Variants in PLSCR4 observed in about 807,000 individuals in gnomAD.
PLSCR4 encodes the protein Ca(2+)-dependent phospholipid scramblase 4.
Under a neutral mutation model 36.3 loss-of-function variants are expected in PLSCR4, and 25 were observed. The ratio of observed to expected loss-of-function variants is 0.69; its 90% CI spans 0.50 to 0.96. The LOEUF (loss-of-function observed/expected upper bound fraction) is 0.96. Ranked by LOEUF, PLSCR4 falls within the 40% of genes least tolerant of loss-of-function variation. PLSCR4 has a pLI of 0.00. For missense variants in PLSCR4, 408 were observed against 414.7 expected (o/e 0.98, Z 0.14); for synonymous variants, 122 against 132.9 (o/e 0.92, Z 0.56).
chr3:146,194,898 T>C (rs1418527038), intron 8 of PLSCR4, among the ~76,000 whole-genome samples: 2 of 152,184 alleles, frequency 1.3e-5, no homozygotes, highest in Admixed American at 6.5e-5. Flanking sequence ...CATTTTACCA[T>C]GATAGCTAAC....
chr3:146,244,276 A>G (rs2036262395), intron 1 of PLSCR4, among the ~76,000 whole-genome samples: 1 of 152,134 alleles, frequency 6.6e-6, no homozygotes, highest in Non-Finnish European at 1.5e-5. Context: ...TATGTTTAAA[A>G]CATAATGGAA....
chr3:146,198,478 G>A (rs1384524354), intron 6 of PLSCR4, among the ~76,000 whole-genome samples: 1 of 152,048 alleles, frequency 6.6e-6, no homozygotes, highest in African/African-American at 2.4e-5. Context: ...ACAGGTCACT[G>A]CAGCCTCGAT....
intron 6 of PLSCR4, among the ~76,000 whole-genome samples, chr3:146,197,395 G>T (rs953574786): frequency 6.6e-6 from 1 of 152,088 alleles, no homozygotes; most frequent in Non-Finnish European, 1.5e-5. Context: ...CTGTAAAACG[G>T]TCCTCTGTCT....
rs983391419 is a variant in PLSCR4, at chr3:146,229,566, G to T, written c.-21-7474C>A. 3.2e-5 allele frequency among the ~76,000 whole-genome samples: 4 copies of T among 124,782 alleles called. No individual in the cohort carries two copies. In the East Asian group the frequency reaches 9.1e-4, roughly 28 times the overall value. 81.9% of individuals were successfully genotyped at this position (124,782 alleles called of 152,430 possible). ...TCCCATGGATCTCCACAACTGACTGGTCCTGATTTTTATCATTTTATTTTT... is the reference window on the plus strand; with the variant it reads ...TCCCATGGATCTCCACAACTGACTGTTCCTGATTTTTATCATTTTATTTTT... On this transcript the variant is annotated intron_variant, in intron 1 of 8. Transcript: ENST00000354952.
At chr3:146,203,331 G>A (rs2034141306) in intron 4 of PLSCR4, among the ~76,000 whole-genome samples, 1 of 151,552 alleles carries the variant, frequency 6.6e-6, no homozygotes, top group Non-Finnish European at 1.5e-5. Flanking sequence ...GAGCTCTTGG[G>A]TGACCAGATG....
chr3:146,204,102 T>C (rs9839724), intron 4 of PLSCR4, among the ~76,000 whole-genome samples: 115,092 of 151,916 alleles, frequency 0.76, 43,721 homozygotes, highest in South Asian at 0.81. Flanking sequence ...TTGTGTCCCT[T>C]CCTGGAACTC....
At chr3:146,215,413 T>G (rs1022323355) in intron 3 of PLSCR4, among the ~76,000 whole-genome samples, 1 of 152,104 alleles carries the variant, frequency 6.6e-6, no homozygotes, top group Non-Finnish European at 1.5e-5. Flanking sequence ...TTAACTAATA[T>G]AAGGACAGCA....
chr3:146,197,641 TCAA>T (rs1475189410), intron 6 of PLSCR4, among the ~76,000 whole-genome samples: 1 of 152,188 alleles, frequency 6.6e-6, no homozygotes, highest in Non-Finnish European at 1.5e-5. Context: ...CTATTTATCT[TCAA>T]CAATATTATT....
chr3:146,236,524 G>A (rs1298218365), intron 1 of PLSCR4, among the ~76,000 whole-genome samples: 1 of 152,086 alleles, frequency 6.6e-6, no homozygotes, highest in African/African-American at 2.4e-5. Flanking sequence ...CGTGGGGGCA[G>A]GTCTTTTCTG....
At chr3:146,201,167 G>T in intron 4 of PLSCR4, 90 bp from the exon 5 acceptor site, 1 of 756,026 alleles carries the variant, frequency 1.3e-6, no homozygotes, top group Non-Finnish European at 2.1e-6. Context: ...ATATTAAAAT[G>T]CATCAATTGA....
intron 1 of PLSCR4, among the ~76,000 whole-genome samples, chr3:146,237,405 G>A (rs555710428): frequency 5.3e-5 from 8 of 152,200 alleles, no homozygotes; most frequent in African/African-American, 1.7e-4. Context: ...ATGTAACACT[G>A]TAACTGACAA....
intron 1 of PLSCR4, among the ~76,000 whole-genome samples, chr3:146,235,905 G>A (rs9826591): frequency 0.63 from 95,686 of 152,054 alleles, 34,254 homozygotes; most frequent in Non-Finnish European, 0.8. Flanking sequence ...CTTTGAACTC[G>A]GGAATGATGA....
intron 6 of PLSCR4, among the ~76,000 whole-genome samples, chr3:146,198,817 A>C (rs568536269): frequency 2.6e-5 from 4 of 152,300 alleles, no homozygotes; most frequent in South Asian, 4.1e-4. Context: ...ATAAATGCCT[A>C]CTATATCCAA....
intron 1 of PLSCR4, among the ~76,000 whole-genome samples, chr3:146,231,568 T>C (rs747432348): frequency 1.3e-5 from 2 of 152,244 alleles, no homozygotes; most frequent in Non-Finnish European, 2.9e-5. Context: ...TGCTATGAGA[T>C]AGTATATCAT....
In PLSCR4 at chr3:146,199,748, G is replaced by A. The variant is rs1351473850; in HGVS notation, c.624+65C>T. On this transcript the variant is annotated intron_variant, in intron 6 of 8. Coordinates refer to ENST00000354952, the MANE Select transcript of PLSCR4 (RefSeq NM_020353.3). Reference sequence around the variant, plus strand: ...GAATATCCTCCCTATGTAGTGGAAGGAGCACACTATGCCATGAAGAGTTAG... The same window carrying A: ...GAATATCCTCCCTATGTAGTGGAAGAAGCACACTATGCCATGAAGAGTTAG... 3.9e-6 allele frequency: 5 copies of A among 1,275,102 alleles called. No homozygotes were observed. In the African/African-American group the frequency reaches 7.3e-5, roughly 19 times the overall value. The allele number at this position is 1,275,102 out of a possible 1,614,324, so 79.0% of individuals were successfully genotyped here. A position where few individuals can be genotyped will look rare whatever the true frequency, so the allele number is the denominator to read the frequency against.
chr3:146,204,991 C>T (rs1349880391), intron 4 of PLSCR4, among the ~76,000 whole-genome samples: 1 of 151,952 alleles, frequency 6.6e-6, no homozygotes, highest in East Asian at 1.9e-4. Context: ...GACTTCTATA[C>T]ACCAATGTTA....
intron 3 of PLSCR4, among the ~76,000 whole-genome samples, chr3:146,209,859 T>C (rs1354356222): frequency 6.6e-6 from 1 of 152,070 alleles, no homozygotes; most frequent in Non-Finnish European, 1.5e-5. Flanking sequence ...CAGGCTCAGA[T>C]AAAGAAAGGT....
At chr3:146,205,103 G>C (rs1206250731) in intron 4 of PLSCR4, among the ~76,000 whole-genome samples, 1 of 151,976 alleles carries the variant, frequency 6.6e-6, no homozygotes, top group Non-Finnish European at 1.5e-5. Context: ...ATACTTGGCT[G>C]TTGACCTGGG....
At chr3:146,228,761 A>G (rs1559920873) in intron 1 of PLSCR4, among the ~76,000 whole-genome samples, 1 of 152,174 alleles carries the variant, frequency 6.6e-6, no homozygotes, top group African/African-American at 2.4e-5. Context: ...AAAATTGAGT[A>G]TTTGTCTGTA....
Sources: gnomAD v4.1 joint callset for allele counts (sites outside exome capture counted in the v4.1 genomes callset) on GRCh38, gnomAD v4.1.1 for gene constraint, MANE v1.5 for transcripts, NCBI Gene and HGNC (gene_info 2026-07-23, HGNC 2026-07-21) for gene names.